Variants in LRRC37A2 observed in about 807,000 individuals in gnomAD.
The protein encoded by LRRC37A2 is leucine-rich repeat-containing protein 37A2.
A neutral mutation model predicts 68.8 loss-of-function variants in LRRC37A2; 9 were observed. The ratio of observed to expected loss-of-function variants is 0.13; its 90% CI spans 0.08 to 0.23. The LOEUF is 0.23. Ranked by LOEUF, LRRC37A2 falls within the 10% of genes least tolerant of loss-of-function variation. LRRC37A2 has a pLI of 1.00. For missense variants in LRRC37A2, 168 were observed against 950.4 expected, an observed-to-expected ratio of 0.18 and a Z score of 10.82; for synonymous variants, 63 against 367.6, an observed-to-expected ratio of 0.17 and a Z score of 9.48.
At chr17:46,585,332 A>AGAG in the LRRC37A2 span, among the ~76,000 whole-genome samples, 1 of 64,980 alleles carries the variant, frequency 1.5e-5, no homozygotes, top group Non-Finnish European at 3.8e-5. Flanking sequence ...AAAAAAAAAA[A>AGAG]AGAGAGAGAG....
the LRRC37A2 span, among the ~76,000 whole-genome samples, chr17:46,854,282 C>T: frequency 6.6e-6 from 1 of 151,960 alleles, no homozygotes; most frequent in South Asian, 2.1e-4. Context: ...TGGTATCAGT[C>T]ATCTACACTG....
At chr17:46,854,844 G>A in the LRRC37A2 span, among the ~76,000 whole-genome samples, 4 of 152,050 alleles carry the variant, frequency 2.6e-5, no homozygotes, top group African/African-American at 4.8e-5. Flanking sequence ...ATTTTTAATA[G>A]AGATGGGGTT....
the LRRC37A2 span, among the ~76,000 whole-genome samples, chr17:46,753,079 T>C: frequency 6.6e-6 from 1 of 152,222 alleles, no homozygotes; most frequent in Non-Finnish European, 1.5e-5. Flanking sequence ...AGTAAACTTC[T>C]GTTGGATGAA....
chr17:46,779,053 T>TCACTCACACACACA, the LRRC37A2 span, among the ~76,000 whole-genome samples: 4 of 100,612 alleles, frequency 4.0e-5, no homozygotes, highest in Admixed American at 2.4e-4. Flanking sequence ...CCCTACCCCA[T>TCACTCACACACACA]CACACACACA....
the LRRC37A2 span, among the ~76,000 whole-genome samples, chr17:46,710,288 G>A: frequency 3.3e-5 from 5 of 152,098 alleles, no homozygotes; most frequent in Admixed American, 3.3e-4. Flanking sequence ...TTTGATGGGA[G>A]GTATAACCTT....
chr17:46,973,178 G>A, the LRRC37A2 span: 1 of 153,698 alleles, frequency 6.5e-6, no homozygotes, highest in African/African-American at 2.4e-5. Context: ...GCCGGATGAG[G>A]GCCATTTCTG....
At chr17:46,939,123 G>C in the LRRC37A2 span, 1 of 1,158,226 alleles carries the variant, frequency 8.6e-7, no homozygotes, top group African/African-American at 1.6e-5. Flanking sequence ...TGTCCACACG[G>C]TTCACACCTT....
chr17:46,525,602 T>TATA (rs61094611), intron 6 of LRRC37A2, among the ~76,000 whole-genome samples: 36,600 of 101,410 alleles, frequency 0.36, 7,663 homozygotes, highest in East Asian at 0.76. Flanking sequence ...ATAATAATAA[T>TATA]ATAATAATAA....
At chr17:46,803,520 CTA>C in the LRRC37A2 span, among the ~76,000 whole-genome samples, 3 of 152,118 alleles carry the variant, frequency 2.0e-5, no homozygotes, top group Non-Finnish European at 4.4e-5. Flanking sequence ...CAGTGCAAGA[CTA>C]TGTCTCAAGA....
chr17:46,720,950 T>C, the LRRC37A2 span, among the ~76,000 whole-genome samples: 2 of 152,190 alleles, frequency 1.3e-5, no homozygotes, highest in Non-Finnish European at 2.9e-5. Flanking sequence ...CATTTGCACT[T>C]GTGTAGACTC....
the LRRC37A2 span, chr17:46,935,138 A>T: frequency 6.2e-7 from 1 of 1,614,118 alleles, no homozygotes; most frequent in Non-Finnish European, 8.5e-7. Context: ...AATATTTTAG[A>T]TGGACTGAGG....
chr17:47,006,015 A>T, the LRRC37A2 span, among the ~76,000 whole-genome samples: 2 of 152,196 alleles, frequency 1.3e-5, no homozygotes, highest in African/African-American at 2.4e-5. Context: ...TCTACTAAAA[A>T]TACAAAAATT....
chr17:46,995,326 C>T, the LRRC37A2 span, among the ~76,000 whole-genome samples: 1 of 152,304 alleles, frequency 6.6e-6, no homozygotes, highest in Admixed American at 6.5e-5. Context: ...CCTGGTTGAC[C>T]TCTGCCTTGT....
chr17:46,558,801 A>C (rs1158656192), downstream of LRRC37A2: 5 of 120,812 alleles, frequency 4.1e-5, no homozygotes, highest in South Asian at 1.2e-3. Context: ...ACACTCCCCT[A>C]TATCAATCTC....
the LRRC37A2 span, among the ~76,000 whole-genome samples, chr17:46,994,740 T>C: frequency 2.1e-3 from 316 of 152,160 alleles, 1 homozygote; most frequent in African/African-American, 7.4e-3. Context: ...TCTGTGCCTG[T>C]CCCTGCCAAT....
chr17:46,823,750 A>G, the LRRC37A2 span, among the ~76,000 whole-genome samples: 1 of 146,986 alleles, frequency 6.8e-6, no homozygotes, highest in Admixed American at 6.7e-5. Context: ...TCCCCAGAGC[A>G]TTTTGGAAAG....
the LRRC37A2 span, among the ~76,000 whole-genome samples, chr17:46,986,496 C>T: frequency 2.0e-5 from 3 of 152,084 alleles, no homozygotes; most frequent in Non-Finnish European, 4.4e-5. Flanking sequence ...TCTGGCTTCC[C>T]GAGTAGAAAA....
At chr17:46,931,819 A>G in the LRRC37A2 span, 1 of 562,388 alleles carries the variant, frequency 1.8e-6, no homozygotes, top group Non-Finnish European at 3.2e-6. Flanking sequence ...ATGCATCCAG[A>G]ATCAGAGCAA....
the LRRC37A2 span, among the ~76,000 whole-genome samples, chr17:46,725,571 G>GT: frequency 6.6e-6 from 1 of 152,156 alleles, no homozygotes; most frequent in African/African-American, 2.4e-5. Flanking sequence ...TACACAGGTT[G>GT]TTTTTAAACC....
Sources: allele counts gnomAD v4.1 joint callset (sites outside exome capture counted in the v4.1 genomes callset), GRCh38; gene constraint gnomAD v4.1.1; transcripts MANE v1.5; gene names NCBI Gene and HGNC (gene_info 2026-07-23, HGNC 2026-07-21).